NUDT2: variants seen among roughly 807,000 people sequenced by gnomAD.
NUDT2 encodes bis(5'-nucleosyl)-tetraphosphatase [asymmetrical].
In NUDT2, 12 loss-of-function variants were observed where a neutral mutation model predicts 14.2. The ratio of observed to expected loss-of-function variants is 0.84; its 90% CI spans 0.54 to 1.37. The LOEUF is 1.37. NUDT2 is among the 40% of genes most tolerant of loss of function. The pLI is 0.00. For missense variants in NUDT2, 167 were observed against 176.7 expected (o/e 0.95, Z 0.31); for synonymous variants, 67 against 67.4 (o/e 0.99, Z 0.03).
rs150148019 is a variant in NUDT2, at chr9:34,336,533, ATTT to A, written c.-152+199_-152+201del. 5.2e-3 allele frequency among the ~76,000 whole-genome samples: 782 copies of A among 151,640 alleles called. 14 individuals are homozygous for A. The highest frequency in any genetic ancestry group is 0.029 in the East Asian group (151 of 5,166). On this transcript the variant is annotated intron_variant, in intron 2 of 4. Transcript: ENST00000379158. ...CAAGCAGTACATTAGGCTTGACCTA[ATTT>A]TTTTTTCTTTTTCTTTTGTTTTTGA...
intron 4 of NUDT2, among the ~76,000 whole-genome samples, chr9:34,341,635 G>T (rs901506189): frequency 2.6e-5 from 4 of 152,114 alleles, no homozygotes; most frequent in Non-Finnish European, 5.9e-5. Flanking sequence ...TCAGCCTCCC[G>T]AGTAGCTGGG....
At chr9:34,334,295 A>G (rs756388990) in intron 1 of NUDT2, among the ~76,000 whole-genome samples, 1 of 152,196 alleles carries the variant, frequency 6.6e-6, no homozygotes. Flanking sequence ...CCTTCTAATG[A>G]CATTGAAGGT....
intron 1 of NUDT2, among the ~76,000 whole-genome samples, chr9:34,333,261 C>T (rs57932502): frequency 6.6e-6 from 1 of 152,100 alleles, no homozygotes; most frequent in African/African-American, 2.4e-5. Context: ...CCCTCTCCCC[C>T]CAACTAAAAC....
chr9:34,332,505 G>T (rs1253407976), intron 1 of NUDT2, among the ~76,000 whole-genome samples: 2 of 152,162 alleles, frequency 1.3e-5, no homozygotes, highest in Non-Finnish European at 2.9e-5. Context: ...TCTGTCGCAT[G>T]GGATACGCAC....
chr9:34,335,846 C>T (rs1216292011), intron 1 of NUDT2, among the ~76,000 whole-genome samples: 26 of 152,114 alleles, frequency 1.7e-4, no homozygotes, highest in Admixed American at 1.6e-3. Flanking sequence ...AAGATTCCTC[C>T]CCCACCCCAC....
chr9:34,339,068 T>C lies in NUDT2; in HGVS notation c.29T>C (p.Ile10Thr). Reference sequence around the variant, plus strand: ...GCCTTGAGAGCATGTGGCTTGATCATCTTCCGAAGATGCCTCATTCCCAAA... The same window carrying C: ...GCCTTGAGAGCATGTGGCTTGATCACCTTCCGAAGATGCCTCATTCCCAAA... Reference protein sequence around the residue: MALRACGLIIFRRCLIPKVD... With the variant: MALRACGLITFRRCLIPKVD... The change falls in exon 4 of 5, where the codon ATC becomes ACC. Residue 10 changes from isoleucine (I) to threonine (T), a missense_variant. Physicochemically the swap from Ile to Thr is moderately conservative, Grantham distance 89. Coordinates refer to ENST00000379158, the MANE Select transcript of NUDT2 (RefSeq NM_001161.5). The C allele has an allele frequency of 6.2e-7, 1 of 1,614,132 alleles. No homozygotes were observed. The highest frequency in any genetic ancestry group is 1.1e-5 in the South Asian group (1 of 91,084).
rs1162699142 is a variant in NUDT2, at chr9:34,343,580, C to T, written c.*140C>T. On this transcript the variant is annotated 3_prime_UTR_variant, in exon 5 of 5. Coordinates refer to ENST00000379158, the MANE Select transcript of NUDT2 (RefSeq NM_001161.5). ...CAGATTTGTGAAATCGGCTCAACTCCCAGGTGAGAGCAAGCAAAAATCTTG... is the reference window on the plus strand; with the variant it reads ...CAGATTTGTGAAATCGGCTCAACTCTCAGGTGAGAGCAAGCAAAAATCTTG... 4.0e-6 allele frequency: 3 copies of T among 758,870 alleles called. No individual in the cohort carries two copies. The highest frequency in any genetic ancestry group is 2.8e-5 in the East Asian group (1 of 35,978). 47.0% of individuals were successfully genotyped at this position (758,870 alleles called of 1,614,324 possible).
chr9:34,343,096 C>CCCTTTCTTCCT (rs745657767), intron 4 of NUDT2, 28 bp from the exon 5 acceptor site: 1 of 1,556,296 alleles, frequency 6.4e-7, no homozygotes, highest in Admixed American at 2.0e-5. Flanking sequence ...ATTTCCTCCT[C>CCCTTTCTTCCT]CTTTTCTTCC....
At chr9:34,341,609 A>G (rs1480239875) in intron 4 of NUDT2, among the ~76,000 whole-genome samples, 1 of 152,210 alleles carries the variant, frequency 6.6e-6, no homozygotes, top group African/African-American at 2.4e-5. Flanking sequence ...TCCTGGGCTC[A>G]AGTGATTCTC....
chr9:34,329,648 T>C (rs545326668), intron 1 of NUDT2, 49 bp downstream of exon 1: 1 of 152,304 alleles, frequency 6.6e-6, no homozygotes, highest in African/African-American at 2.4e-5. Flanking sequence ...GTGGAGGAAA[T>C]GAGCCTTGGA....
rs1215172671 is a variant in NUDT2, at chr9:34,330,708, T to TC, written c.-265+1111dup. On this transcript the variant is annotated intron_variant, in intron 1 of 4. Transcript: ENST00000379158. ...CGGGCGCGGTGGCTCACGCCTGTAA[T>TC]CCTAGCCCTTTGGGAGGCCGAGGCG... Among the ~76,000 whole-genome samples, 7 of 152,178 alleles carry TC rather than the reference T, an allele frequency of 4.6e-5. No homozygotes were observed. The East Asian group carries it at 1.3e-3, about 29-fold the overall frequency.
At chr9:34,336,837 C>T (rs1303573514) in intron 2 of NUDT2, among the ~76,000 whole-genome samples, 1 of 152,076 alleles carries the variant, frequency 6.6e-6, no homozygotes, top group South Asian at 2.1e-4. Flanking sequence ...AGCCACTGAA[C>T]CCAGCCTCGA....
In NUDT2 at chr9:34,338,761, C is replaced by T. The variant is rs1346674080; in HGVS notation, c.-103C>T. 4.1e-6 allele frequency: 1 copy of T among 244,470 alleles called. No homozygotes were observed. 15.1% of individuals were successfully genotyped at this position (244,470 alleles called of 1,614,324 possible). A position where few individuals can be genotyped will look rare whatever the true frequency, so the allele number is the denominator to read the frequency against. Reference sequence around the variant, plus strand: ...AGTGTCACAACAAACACATGCCAGCCCTGTTTTACAGGGAGCCCTGGAGGA... The same window carrying T: ...AGTGTCACAACAAACACATGCCAGCTCTGTTTTACAGGGAGCCCTGGAGGA... On this transcript the variant is annotated 5_prime_UTR_variant, in exon 3 of 5. Coordinates refer to ENST00000379158, the MANE Select transcript of NUDT2 (RefSeq NM_001161.5).
intron 1 of NUDT2, among the ~76,000 whole-genome samples, chr9:34,334,563 C>T (rs1317622312): frequency 2.0e-5 from 3 of 152,182 alleles, no homozygotes; most frequent in Non-Finnish European, 4.4e-5. Flanking sequence ...ACAATAGTTC[C>T]ATTCACTTTT....
chr9:34,334,217 AC>A (rs1232746259), intron 1 of NUDT2, among the ~76,000 whole-genome samples: 10 of 152,146 alleles, frequency 6.6e-5, no homozygotes, highest in African/African-American at 1.2e-4. Context: ...TAGGTCCCGA[AC>A]CTCCTAGGCT....
intron 2 of NUDT2, 147 bp downstream of exon 2, chr9:34,336,488 G>A (rs1294640706): frequency 6.6e-6 from 1 of 152,192 alleles, no homozygotes; most frequent in Admixed American, 6.5e-5. Context: ...TCCTTTTCAT[G>A]TGTCTAAAAA....
chr9:34,335,320 A>G (rs1838063484), intron 1 of NUDT2, among the ~76,000 whole-genome samples: 1 of 152,228 alleles, frequency 6.6e-6, no homozygotes, highest in Non-Finnish European at 1.5e-5. Context: ...CTGGCCTCAC[A>G]GACTTCGGGC....
Position 34,338,697 on chromosome 9 carries a change from ATC to A in NUDT2, c.-151-10_-151-9del, listed in dbSNP as rs886528360. 3 of 174,558 alleles carry A rather than the reference ATC, an allele frequency of 1.7e-5. No individual in the cohort carries two copies. The highest frequency in any genetic ancestry group is 7.1e-5 in the African/African-American group (3 of 42,386). The allele number at this position is 174,558 out of a possible 1,614,324, so 10.8% of individuals were successfully genotyped here. A position where few individuals can be genotyped will look rare whatever the true frequency, so the allele number is the denominator to read the frequency against. ...GTACTGCCTCTCTCCCATTCCCAAC[ATC>A]TCTCTTGTTTCAGTGCGTTTGCTTC... On this transcript the variant is annotated splice_polypyrimidine_tract_variant and intron_variant, in intron 2 of 4. Transcript: ENST00000379158.
chr9:34,343,268 T>G lies in NUDT2; in HGVS notation c.272T>G (p.Val91Gly). Reference protein sequence around the residue: ...NYVARNKPKTVIYWLAEVKDY... With the variant: ...NYVARNKPKTGIYWLAEVKDY... Reference sequence around the variant, plus strand: ...GTGGCCAGGAACAAGCCTAAAACAGTCATTTACTGGCTGGCGGAGGTGAAG... The same window carrying G: ...GTGGCCAGGAACAAGCCTAAAACAGGCATTTACTGGCTGGCGGAGGTGAAG... Residue 91 changes from valine to glycine, a missense_variant, in exon 5 of 5, where the codon GTC becomes GGC. By Grantham distance (109) the Val-to-Gly change is moderately radical. Coordinates refer to ENST00000379158, the MANE Select transcript of NUDT2 (RefSeq NM_001161.5). 6 of 1,613,934 alleles carry G rather than the reference T, an allele frequency of 3.7e-6. No individual in the cohort carries two copies. Among genetic ancestry groups the G allele is most frequent in the Non-Finnish European group, 5.1e-6 (6 of 1,179,992 alleles).
Sources: allele counts gnomAD v4.1 joint callset (sites outside exome capture counted in the v4.1 genomes callset), GRCh38; gene constraint gnomAD v4.1.1; transcripts MANE v1.5; gene names NCBI Gene and HGNC (gene_info 2026-07-23, HGNC 2026-07-21).